Variants in MRAP2 observed in about 807,000 individuals in gnomAD.
MRAP2 encodes melanocortin 2 receptor accessory protein 2.
MRAP2 carries 20 observed loss-of-function variants against 17.4 expected under a neutral mutation model. That is an observed-to-expected ratio of 1.15 (90% CI 0.81 to 1.67). MRAP2 has a LOEUF of 1.67. Ranked by LOEUF, MRAP2 falls within the 40% of genes most tolerant of loss-of-function variation. The pLI, the probability that MRAP2 is intolerant of heterozygous loss-of-function variation, is 0.00. For missense variants in MRAP2, 238 were observed against 240.0 expected (o/e 0.99, Z 0.05); for synonymous variants, 96 against 88.4 (o/e 1.09, Z -0.48).
rs927966170 is a variant in MRAP2, at chr6:84,055,509, A to G, written c.127+64A>G. 16 of 1,491,238 alleles carry G rather than the reference A, an allele frequency of 1.1e-5. No individual in the cohort carries two copies. In the African/African-American group the frequency reaches 1.8e-4, roughly 17 times the overall value. The allele number at this position is 1,491,238 out of a possible 1,614,324, so 92.4% of individuals were successfully genotyped here. On this transcript the variant is annotated intron_variant, in intron 2 of 3. Coordinates refer to ENST00000257776, the MANE Select transcript of MRAP2 (RefSeq NM_138409.4). ...ATTTCTCTTAACCTGTGAAATCCCC[A>G]AGGATTACTTCTCCTGAGCATTCTT...
chr6:84,064,317 C>A (rs1174826883), intron 3 of MRAP2, among the ~76,000 whole-genome samples: 2 of 151,992 alleles, frequency 1.3e-5, no homozygotes, highest in African/African-American at 4.8e-5. Context: ...TCAGTCTTCT[C>A]CCTCCTTCCC....
downstream of MRAP2, among the ~76,000 whole-genome samples, chr6:84,094,457 C>T (rs367714538): frequency 6.6e-6 from 1 of 152,158 alleles, no homozygotes; most frequent in African/African-American, 2.4e-5. Flanking sequence ...TCATCTTTAA[C>T]ATTTTGCTTG....
At chr6:84,117,333 T>G in the MRAP2 span, among the ~76,000 whole-genome samples, 2 of 152,170 alleles carry the variant, frequency 1.3e-5, no homozygotes, top group African/African-American at 4.8e-5. Context: ...TGAAGTTTCC[T>G]TTTTTTATTT....
At chr6:84,053,738 G>A (rs1030279531) in intron 1 of MRAP2, among the ~76,000 whole-genome samples, 7 of 152,144 alleles carry the variant, frequency 4.6e-5, no homozygotes, top group African/African-American at 1.7e-4. Flanking sequence ...CCATGAAGTG[G>A]GTACTATAAT....
chr6:84,059,262 G>T (rs539767500), intron 2 of MRAP2, among the ~76,000 whole-genome samples: 11 of 152,306 alleles, frequency 7.2e-5, no homozygotes, highest in African/African-American at 2.4e-4. Flanking sequence ...GCATGGATGG[G>T]TCAGCAAGAA....
the MRAP2 span, among the ~76,000 whole-genome samples, chr6:84,133,157 C>T: frequency 1.3e-5 from 2 of 152,182 alleles, no homozygotes; most frequent in Admixed American, 1.3e-4. Context: ...GTATCACCAG[C>T]AGAGGCTGCA....
At chr6:84,063,327 T>A in intron 3 of MRAP2, 1 of 985,098 alleles carries the variant, frequency 1.0e-6, no homozygotes, top group South Asian at 4.7e-5. Context: ...TTTAGATGAT[T>A]CACCATATTA....
chr6:84,123,126 A>G, the MRAP2 span, among the ~76,000 whole-genome samples: 12 of 152,012 alleles, frequency 7.9e-5, no homozygotes, highest in African/African-American at 2.9e-4. Context: ...AATAACCAAT[A>G]TGATTGTTTT....
chr6:84,064,576 C>T (rs1051440910), intron 3 of MRAP2, among the ~76,000 whole-genome samples: 2 of 152,066 alleles, frequency 1.3e-5, no homozygotes, highest in Non-Finnish European at 2.9e-5. Context: ...CAAGCTCCGC[C>T]TCCCGGGTTC....
At chr6:84,081,397 G>A (rs2099498954) in intron 3 of MRAP2, among the ~76,000 whole-genome samples, 1 of 152,202 alleles carries the variant, frequency 6.6e-6, no homozygotes, top group Admixed American at 6.5e-5. Context: ...CTCATCTCAA[G>A]TTGTAATCCC....
At chr6:84,066,157 TG>T (rs1290747150) in intron 3 of MRAP2, among the ~76,000 whole-genome samples, 1 of 152,192 alleles carries the variant, frequency 6.6e-6, no homozygotes, top group Non-Finnish European at 1.5e-5. Context: ...AATTCCCTTT[TG>T]CCACTAGACA....
chr6:84,061,850 T>G (rs2099493250), intron 2 of MRAP2: 2 of 985,272 alleles, frequency 2.0e-6, no homozygotes, highest in African/African-American at 1.7e-5. Context: ...ATAAAGTGCT[T>G]TATGTGTGGA....
chr6:84,145,949 T>C, the MRAP2 span, among the ~76,000 whole-genome samples: 5 of 152,136 alleles, frequency 3.3e-5, 1 homozygote, highest in South Asian at 8.3e-4. Flanking sequence ...GAAATGCCTC[T>C]TATTAGATCA....
the MRAP2 span, among the ~76,000 whole-genome samples, chr6:84,103,027 G>C: frequency 2.6e-5 from 4 of 152,146 alleles, no homozygotes; most frequent in Non-Finnish European, 5.9e-5. Context: ...ACATTATCTT[G>C]AAGAAAGTGG....
Position 84,033,856 on chromosome 6 carries a change from G to T in MRAP2, c.-35G>T, listed in dbSNP as rs1202182376. 2 of 986,724 alleles carry T rather than the reference G, an allele frequency of 2.0e-6. No individual in the cohort carries two copies. The highest frequency in any genetic ancestry group is 3.5e-5 in the African/African-American group (2 of 57,176). 61.1% of individuals were successfully genotyped at this position (986,724 alleles called of 1,614,324 possible). ...GGAGCCAGGAGCCGGAACCAGGGCC[G>T]AGCCCGCGGGCCGGGGCTAGCCAGC... is the stretch of plus-strand genomic sequence containing the variant. On this transcript the variant is annotated 5_prime_UTR_variant, in exon 1 of 4. Coordinates refer to ENST00000257776, the MANE Select transcript of MRAP2 (RefSeq NM_138409.4).
chr6:84,078,817 C>T (rs956003596), intron 3 of MRAP2, among the ~76,000 whole-genome samples: 1 of 152,156 alleles, frequency 6.6e-6, no homozygotes, highest in Non-Finnish European at 1.5e-5. Flanking sequence ...GCATGAAAGC[C>T]CTAACCAGAA....
intron 1 of MRAP2, among the ~76,000 whole-genome samples, chr6:84,043,008 T>A (rs2099488048): frequency 6.6e-6 from 1 of 152,248 alleles, no homozygotes; most frequent in South Asian, 2.1e-4. Flanking sequence ...TGGTGTGTGC[T>A]GTTTGGAGAC....
chr6:84,056,083 G>C (rs1588633474), intron 2 of MRAP2, among the ~76,000 whole-genome samples: 1 of 152,160 alleles, frequency 6.6e-6, no homozygotes, highest in African/African-American at 2.4e-5. Flanking sequence ...TGCTTCATTA[G>C]GTAGAGTTAA....
At chr6:84,064,679 G>A (rs954934382) in intron 3 of MRAP2, among the ~76,000 whole-genome samples, 1 of 152,158 alleles carries the variant, frequency 6.6e-6, no homozygotes, top group Non-Finnish European at 1.5e-5. Flanking sequence ...AGTAGAGACA[G>A]GGTTTCACCA....
Sources: allele counts gnomAD v4.1 joint callset (sites outside exome capture counted in the v4.1 genomes callset), GRCh38; gene constraint gnomAD v4.1.1; transcripts MANE v1.5; gene names NCBI Gene and HGNC (gene_info 2026-07-23, HGNC 2026-07-21).